The following DOT1L variants were observed in gnomAD, a reference collection of about 807,000 sequenced individuals.
The protein encoded by DOT1L is DOT1 like histone lysine methyltransferase, also known as histone-lysine N-methyltransferase, H3 lysine-79 specific.
A neutral mutation model predicts 153.3 loss-of-function variants in DOT1L; 33 were observed. The observed-to-expected ratio is 0.22, with a 90% CI of 0.16 to 0.29. The LOEUF (loss-of-function observed/expected upper bound fraction) is 0.29, where lower values mean the gene tolerates loss of function less well. Ranked by LOEUF, DOT1L falls within the 10% of genes least tolerant of loss-of-function variation. The pLI is 1.00. For synonymous variants in DOT1L, 1,135 were observed against 965.1 expected (o/e 1.18, Z -3.26); for missense variants, 1,847 against 2,119.9 (o/e 0.87, Z 2.53).
intron 27 of DOT1L, chr19:2,228,109 C>A (rs142768197): frequency 2.2e-6 from 3 of 1,357,804 alleles, no homozygotes; most frequent in Non-Finnish European, 2.9e-6. Flanking sequence ...TTGCCCCCCA[C>A]CTCTGCTGCC....
chr19:2,176,273 G>A (rs1247056005), intron 1 of DOT1L, among the ~76,000 whole-genome samples: 3 of 152,208 alleles, frequency 2.0e-5, no homozygotes, highest in Non-Finnish European at 4.4e-5. Flanking sequence ...ACAGGAGGCA[G>A]TGCGAGCAAG....
intron 1 of DOT1L, among the ~76,000 whole-genome samples, chr19:2,170,213 C>A (rs985953278): frequency 1.3e-4 from 20 of 152,286 alleles, no homozygotes; most frequent in Admixed American, 1.0e-3. Flanking sequence ...GCAAATCACT[C>A]TTGGTGTTAC....
Position 2,230,311 on chromosome 19 carries a change from T to C in DOT1L, c.*519T>C. ...AAAGGCAGGCCCGTCGCCACCACAT[T>C]CCTCGGAGGCCTCCCCGCGGCCTGA... On this transcript the variant is annotated 3_prime_UTR_variant, in exon 28 of 28. Transcript: ENST00000398665. 2.4e-6 allele frequency: 1 copy of C among 415,320 alleles called. No homozygotes were observed. The highest frequency in any genetic ancestry group is 2.0e-5 in the African/African-American group (1 of 48,808). The allele number at this position is 415,320 out of a possible 1,614,324, so 25.7% of individuals were successfully genotyped here.
chr19:2,181,884 G>A (rs2022257231), intron 2 of DOT1L, among the ~76,000 whole-genome samples: 2 of 152,202 alleles, frequency 1.3e-5, no homozygotes, highest in African/African-American at 2.4e-5. Flanking sequence ...CTCTGCTGGC[G>A]TGGGCCTCTG....
intron 23 of DOT1L, 174 bp from the exon 24 acceptor site, chr19:2,221,802 C>A: frequency 1.5e-6 from 1 of 668,440 alleles, no homozygotes; most frequent in Non-Finnish European, 2.5e-6. Flanking sequence ...CTTGAGCTTG[C>A]CCACAGAGCC....
intron 7 of DOT1L, 147 bp from the exon 8 acceptor site, chr19:2,199,737 G>C: frequency 9.4e-7 from 1 of 1,060,872 alleles, no homozygotes; most frequent in Non-Finnish European, 1.4e-6. Flanking sequence ...CAGCTCCCAG[G>C]GCTGCAGCCG....
Position 2,222,882 on chromosome 19 carries a change from C to CA in DOT1L, c.3390+332dup, listed in dbSNP as rs796228728. 637 of 347,940 alleles carry CA rather than the reference C, an allele frequency of 1.8e-3. 1 individual carries two copies. The highest frequency in any genetic ancestry group is 6.4e-3 in the East Asian group (128 of 20,114). The allele number at this position is 347,940 out of a possible 1,614,324, so 21.6% of individuals were successfully genotyped here. On this transcript the variant is annotated intron_variant, in intron 24 of 27. Transcript: ENST00000398665. The surrounding 1 kb of genome is among the most constrained non-coding windows in gnomAD (Gnocchi z 6.5). ...AGAGCGAGACTCCCTCTCGGGGGGA[C>CA]AAAAAAAAACACAAAAAAAAACAGG...
rs952629289 is a variant in DOT1L, at chr19:2,204,832, C to T, written c.788-1897C>T. 6.6e-6 allele frequency among the ~76,000 whole-genome samples: 1 copy of T among 152,186 alleles called. No individual in the cohort carries two copies. Among genetic ancestry groups the T allele is most frequent in the South Asian group, 2.1e-4 (1 of 4,822 alleles). On this transcript the variant is annotated intron_variant, in intron 9 of 27. Coordinates refer to ENST00000398665, the MANE Select transcript of DOT1L (RefSeq NM_032482.3). This position sits in a 1 kb window ranked among gnomAD's most constrained non-coding sequence, Gnocchi z 5.7. ...ATACTGGCCTAACCTGTGTGCCCAG[C>T]CTGGCCCTGGAACCGCCCTTCCTGC...
chr19:2,165,280 T>G (rs574172763), intron 1 of DOT1L, among the ~76,000 whole-genome samples: 1 of 1,092 alleles, frequency 9.2e-4, no homozygotes, highest in East Asian at 0.024. Context: ...GCCCTGGGAC[T>G]CCCGCGCGCG....
Position 2,226,532 on chromosome 19 carries a change from T to G in DOT1L, c.4011T>G (p.Leu1337=). 6.2e-7 allele frequency: 1 copy of G among 1,600,654 alleles called. No homozygotes were observed. The highest frequency in any genetic ancestry group is 8.5e-7 in the Non-Finnish European group (1 of 1,179,598). ...SLHSFSDGAS[L]PHKGPEAAGL... is the part of the protein sequence containing the mutation. ...ACAGCTTCAGTGATGGTGCTTCTCT[T>G]CCCCACAAGGGCCCCGAGGCGGCCG... Residue 1337 remains leucine (L), a synonymous_variant, in exon 27 of 28, where the codon CTT becomes CTG. Transcript: ENST00000398665.
chr19:2,192,091 C>T (rs963663890), intron 5 of DOT1L, among the ~76,000 whole-genome samples: 6 of 152,332 alleles, frequency 3.9e-5, no homozygotes, highest in East Asian at 1.9e-4. Flanking sequence ...CCTTGGACCT[C>T]GATGGACATG....
In DOT1L at chr19:2,230,290, G is replaced by A; in HGVS notation, c.*498G>A. ...CCGACGCGCTGCTCCCGTACCAAAG[G>A]CAGGCCCGTCGCCACCACATTCCTC... On this transcript the variant is annotated 3_prime_UTR_variant, in exon 28 of 28. Coordinates refer to ENST00000398665, the MANE Select transcript of DOT1L (RefSeq NM_032482.3). 1 of 417,892 alleles carries A rather than the reference G, an allele frequency of 2.4e-6. No individual in the cohort carries two copies. Among genetic ancestry groups the A allele is most frequent in the Non-Finnish European group, 4.2e-6 (1 of 238,160 alleles). 25.9% of individuals were successfully genotyped at this position (417,892 alleles called of 1,614,324 possible).
Position 2,214,417 on chromosome 19 carries a change from G to A in DOT1L, c.1798-54G>A, listed in dbSNP as rs544395503. ...GGGAACCCTGCCCTGAGAGTGTGGGGTGTGCTGGGCAGGCAGCCAGCCAGT... is the reference window on the plus strand; with the variant it reads ...GGGAACCCTGCCCTGAGAGTGTGGGATGTGCTGGGCAGGCAGCCAGCCAGT... On this transcript the variant is annotated intron_variant, in intron 18 of 27. Transcript: ENST00000398665. The A allele has an allele frequency of 9.4e-6, 15 of 1,596,178 alleles. No individual in the cohort carries two copies. The African/African-American group carries it at 1.7e-4, about 18-fold the overall frequency.
At chr19:2,211,730 G>A in intron 15 of DOT1L, 21 bp from the exon 16 acceptor site, 1 of 1,548,494 alleles carries the variant, frequency 6.5e-7, no homozygotes, top group Non-Finnish European at 8.7e-7. Context: ...CTTCTCACCT[G>A]TGTTCCGCCT....
At chr19:2,187,794 T>C (rs12608455) in intron 3 of DOT1L, among the ~76,000 whole-genome samples, 75,249 of 151,532 alleles carry the variant, frequency 0.5, 19,057 homozygotes, top group African/African-American at 0.6. Flanking sequence ...TGGTGGCGGG[T>C]GCCTGTAGTC....
chr19:2,211,301 C>T (rs2023706214), intron 15 of DOT1L, 89 bp downstream of exon 15: 3 of 1,160,308 alleles, frequency 2.6e-6, no homozygotes, highest in Non-Finnish European at 3.6e-6. Context: ...CTCGCAGCAG[C>T]CCCCGTGACC....
chr19:2,182,736 G>A (rs2022300684), intron 2 of DOT1L, among the ~76,000 whole-genome samples: 1 of 152,140 alleles, frequency 6.6e-6, no homozygotes, highest in Non-Finnish European at 1.5e-5. Context: ...CCATGGGAAG[G>A]GGCCTGCACA....
Position 2,222,862 on chromosome 19 carries a change from G to C in DOT1L, c.3390+303G>C, listed in dbSNP as rs1014225291. ...TCGGCCACTGCCTGGGCCACAGAGC[G>C]AGACTCCCTCTCGGGGGGACAAAAA... On this transcript the variant is annotated intron_variant, in intron 24 of 27. Coordinates refer to ENST00000398665, the MANE Select transcript of DOT1L (RefSeq NM_032482.3). The surrounding 1 kb of genome is among the most constrained non-coding windows in gnomAD (Gnocchi z 6.5). 1.2e-5 allele frequency: 5 copies of C among 420,250 alleles called. No homozygotes were observed. The East Asian group carries it at 1.6e-4, about 13-fold the overall frequency. 26.0% of individuals were successfully genotyped at this position (420,250 alleles called of 1,614,324 possible).
At chr19:2,177,478 G>A (rs2022002262) in intron 1 of DOT1L, among the ~76,000 whole-genome samples, 1 of 152,034 alleles carries the variant, frequency 6.6e-6, no homozygotes, top group African/African-American at 2.4e-5. Flanking sequence ...TGTATTATTA[G>A]TACTACTAAC....
Sources: gnomAD v4.1 joint callset for allele counts (sites outside exome capture counted in the v4.1 genomes callset) on GRCh38, gnomAD v4.1.1 for gene constraint, Gnocchi (gnomAD v3.1) non-coding constraint, MANE v1.5 for transcripts, NCBI Gene and HGNC (gene_info 2026-07-23, HGNC 2026-07-21) for gene names.